Variants in PUS1 observed in about 807,000 individuals in gnomAD.
PUS1 encodes pseudouridine synthase 1.
Under a neutral mutation model 38.5 loss-of-function variants are expected in PUS1, and 25 were observed. That is an observed-to-expected ratio of 0.65 (90% CI 0.47 to 0.91). The LOEUF (loss-of-function observed/expected upper bound fraction) is 0.91. Among genes scored for constraint, PUS1 ranks in the 40% least tolerant of loss-of-function variants. The pLI is 0.00. For synonymous variants in PUS1, 282 were observed against 260.4 expected, an observed-to-expected ratio of 1.08 and a Z score of -0.80; for missense variants, 597 against 612.3, an observed-to-expected ratio of 0.97 and a Z score of 0.26.
chr12:131,940,730 C>T (rs1256568455), intron 4 of PUS1, among the ~76,000 whole-genome samples: 1 of 152,092 alleles, frequency 6.6e-6, no homozygotes, highest in African/African-American at 2.4e-5. Context: ...TACAGGTACA[C>T]GCCACCACGC....
chr12:131,939,047 A>T, intron 3 of PUS1, 126 bp from the exon 4 acceptor site: 1 of 731,208 alleles, frequency 1.4e-6, no homozygotes, highest in Non-Finnish European at 2.5e-6. Context: ...GGCCCTCCAG[A>T]TGCATTTTTA....
chr12:131,942,091 C>T, intron 5 of PUS1, 108 bp downstream of exon 5: 3 of 1,036,022 alleles, frequency 2.9e-6, no homozygotes, highest in Non-Finnish European at 4.3e-6. Flanking sequence ...CCCCGCAAGG[C>T]CACACAGCTG....
At chr12:131,932,766 G>A (rs1890662871) in intron 3 of PUS1, 1 of 434,726 alleles carries the variant, frequency 2.3e-6, no homozygotes, top group Non-Finnish European at 4.6e-6. Context: ...GCAGTGGCAT[G>A]ATCATGGCTC....
At chr12:131,940,986 C>T in intron 4 of PUS1, 2 of 448,914 alleles carry the variant, frequency 4.5e-6, no homozygotes, top group East Asian at 8.0e-5. Context: ...ATATCCATCA[C>T]TCCAAGCATG....
At chr12:131,934,501 A>G (rs944578725) in intron 3 of PUS1, 10 of 152,200 alleles carry the variant, frequency 6.6e-5, no homozygotes, top group African/African-American at 2.2e-4. Flanking sequence ...CCTAGGTTAT[A>G]ATTATAGAAC....
chr12:131,942,697 CGT>C (rs1891144820), intron 5 of PUS1, among the ~76,000 whole-genome samples: 2 of 152,236 alleles, frequency 1.3e-5, no homozygotes, highest in African/African-American at 2.4e-5. Flanking sequence ...TGAGCCACTG[CGT>C]CCGGCCAGCC....
intron 3 of PUS1, among the ~76,000 whole-genome samples, chr12:131,938,452 A>G (rs1038608120): frequency 6.6e-6 from 1 of 152,172 alleles, no homozygotes; most frequent in Non-Finnish European, 1.5e-5. Flanking sequence ...TCTCAAAAAG[A>G]ACCCAACAAA....
chr12:131,942,104 G>A (rs1891104147), intron 5 of PUS1, 121 bp downstream of exon 5: 2 of 940,330 alleles, frequency 2.1e-6, no homozygotes, highest in East Asian at 2.6e-5. Flanking sequence ...CACAGCTGCT[G>A]CAGGAGCAGG....
chr12:131,941,458 C>T lies in PUS1; in HGVS notation c.711C>T (p.Ala237=), dbSNP rs745475042. Residue 237 remains alanine, a synonymous_variant, in exon 5 of 6, where the codon GCC becomes GCT. Transcript: ENST00000376649. This position sits in a 1 kb window ranked among gnomAD's most constrained non-coding sequence, Gnocchi z 4.4. ...ETLQQVNRLL[A]CYKGTHNFHN... ...TGCAGCAGGTCAACAGGCTCCTGGC[C>T]TGCTACAAGGGCACGCACAACTTCC... 1 of 1,613,290 alleles carries T rather than the reference C, an allele frequency of 6.2e-7. No homozygotes were observed. The highest frequency in any genetic ancestry group is 1.7e-5 in the Admixed American group (1 of 60,006).
intron 4 of PUS1, among the ~76,000 whole-genome samples, chr12:131,940,166 C>G (rs1417694942): frequency 2.0e-5 from 3 of 151,864 alleles, no homozygotes; most frequent in Non-Finnish European, 2.9e-5. Context: ...TAAGCTGGGA[C>G]TACAGGCACA....
intron 3 of PUS1, among the ~76,000 whole-genome samples, chr12:131,935,960 C>T (rs1012442308): frequency 1.6e-4 from 25 of 151,966 alleles, no homozygotes; most frequent in African/African-American, 4.8e-5. Flanking sequence ...CCTGTAATTC[C>T]AGCACTTTGG....
rs1351948392 is a variant in PUS1, at chr12:131,944,830, T to A, written c.*1244T>A. The A allele has an allele frequency of 6.6e-6, 1 of 152,400 alleles. No homozygotes were observed. Among genetic ancestry groups the A allele is most frequent in the Non-Finnish European group, 1.5e-5 (1 of 68,170 alleles). 9.4% of individuals were successfully genotyped at this position (152,400 alleles called of 1,614,324 possible). A position where few individuals can be genotyped will look rare whatever the true frequency, so the allele number is the denominator to read the frequency against. ...ACCAGCCGCTGCTGCACGTCATTGGTCACAGGTGCATCCAGCGGCCCTTCG... is the reference window on the plus strand; with the variant it reads ...ACCAGCCGCTGCTGCACGTCATTGGACACAGGTGCATCCAGCGGCCCTTCG... On this transcript the variant is annotated 3_prime_UTR_variant, in exon 6 of 6. Transcript: ENST00000376649.
intron 5 of PUS1, 36 bp downstream of exon 5, chr12:131,942,019 C>T: frequency 6.4e-7 from 1 of 1,553,910 alleles, no homozygotes. Context: ...CAGCAGAACA[C>T]AGGCCCACAT....
At chr12:131,934,762 G>C in intron 3 of PUS1, 1 of 152,222 alleles carries the variant, frequency 6.6e-6, no homozygotes, top group Non-Finnish European at 1.5e-5. Context: ...GCACGTATGA[G>C]GCATCAGTGA....
At chr12:131,930,210 G>C (rs1466004508) in intron 2 of PUS1, 75 bp downstream of exon 2, 5 of 1,121,956 alleles carry the variant, frequency 4.5e-6, no homozygotes, top group Non-Finnish European at 5.9e-6. Flanking sequence ...CGGTGGGTCC[G>C]GCTGGGTTTA....
Position 131,930,106 on chromosome 12 carries a change from T to A in PUS1, c.274T>A (p.Tyr92Asn), listed in dbSNP as rs2136429544. ...GCGGAAGATCGTGCTGCTCATGGCCTATTCGGGCAAGGGCTACCACGGCAT... is the reference window on the plus strand; with the variant it reads ...GCGGAAGATCGTGCTGCTCATGGCCAATTCGGGCAAGGGCTACCACGGCAT... Reference protein sequence around the residue: ...PKRKIVLLMAYSGKGYHGMQR... With the variant: ...PKRKIVLLMANSGKGYHGMQR... Residue 92 changes from tyrosine (Y) to asparagine (N), a missense_variant, in exon 2 of 6, where the codon TAT becomes AAT. Transcript: ENST00000376649. The A allele has an allele frequency of 7.0e-7, 1 of 1,433,230 alleles. No individual in the cohort carries two copies. The highest frequency in any genetic ancestry group is 2.7e-5 in the East Asian group (1 of 36,470). 88.8% of individuals were successfully genotyped at this position (1,433,230 alleles called of 1,614,324 possible). A position where few individuals can be genotyped will look rare whatever the true frequency, so the allele number is the denominator to read the frequency against.
At chr12:131,930,763 G>GT (rs1406473310) in intron 2 of PUS1, among the ~76,000 whole-genome samples, 1 of 151,970 alleles carries the variant, frequency 6.6e-6, no homozygotes, top group Non-Finnish European at 1.5e-5. Flanking sequence ...ATCGAGGGCT[G>GT]TAAGTGTCCT....
In PUS1 at chr12:131,943,777, A is replaced by G; in HGVS notation, c.*191A>G. 1.7e-6 allele frequency: 1 copy of G among 604,920 alleles called. No individual in the cohort carries two copies. The highest frequency in any genetic ancestry group is 3.0e-6 in the Non-Finnish European group (1 of 334,842). The allele number at this position is 604,920 out of a possible 1,614,324, so 37.5% of individuals were successfully genotyped here. On this transcript the variant is annotated 3_prime_UTR_variant, in exon 6 of 6. Coordinates refer to ENST00000376649, the MANE Select transcript of PUS1 (RefSeq NM_025215.6). ...AATCTGTTTTCAGCTCTTGCATTGC[A>G]TAGATGAACCTCAGCATGTAAAGAA... is the stretch of plus-strand genomic sequence containing the variant.
At chr12:131,931,868 A>G (rs944382037) in intron 2 of PUS1, 9 of 587,244 alleles carry the variant, frequency 1.5e-5, no homozygotes, top group Non-Finnish European at 2.4e-5. Flanking sequence ...TTTTTAAAGT[A>G]TAGGTAGCAC....
Sources: gnomAD v4.1 joint callset for allele counts (sites outside exome capture counted in the v4.1 genomes callset) on GRCh38, gnomAD v4.1.1 for gene constraint, Gnocchi (gnomAD v3.1) non-coding constraint, MANE v1.5 for transcripts, NCBI Gene and HGNC (gene_info 2026-07-23, HGNC 2026-07-21) for gene names.